Variants in FAM193A observed in about 807,000 individuals in gnomAD.
FAM193A encodes family with sequence similarity 193 member A.
FAM193A carries 22 observed loss-of-function variants against 126.5 expected under a neutral mutation model. The ratio of observed to expected loss-of-function variants is 0.17; its 90% confidence interval spans 0.12 to 0.25. The LOEUF (loss-of-function observed/expected upper bound fraction) is 0.25. Ranked by LOEUF, FAM193A falls within the 10% of genes least tolerant of loss-of-function variation. The pLI is 1.00. For missense variants in FAM193A, 1,675 were observed against 1,672.8 expected (o/e 1.00, Z -0.02); for synonymous variants, 761 against 646.8 (o/e 1.18, Z -2.68).
At chr4:2,604,060 C>G (rs552645942) in intron 2 of FAM193A, among the ~76,000 whole-genome samples, 11 of 152,150 alleles carry the variant, frequency 7.2e-5, no homozygotes, top group African/African-American at 2.7e-4. Flanking sequence ...CCAGGCTGGT[C>G]TCAAACTCCT....
chr4:2,639,866 T>C lies in FAM193A; in HGVS notation c.1163+7T>C. ...CACTGGTGTCACAGATCAGGTATTT[T>C]GCCTTAACCCGTATGTGTCTTTGTG... On this transcript the variant is annotated splice_region_variant and intron_variant, in intron 6 of 20. Coordinates refer to ENST00000637812, the MANE Select transcript of FAM193A (RefSeq NM_001366318.2). The C allele has an allele frequency of 6.2e-7, 1 of 1,613,226 alleles. No individual in the cohort carries two copies. Among genetic ancestry groups the C allele is most frequent in the East Asian group, 2.2e-5 (1 of 44,874 alleles).
chr4:2,629,605 A>G lies in FAM193A; in HGVS notation c.804-1330A>G, dbSNP rs569354743. On this transcript the variant is annotated intron_variant, in intron 4 of 20. Transcript: ENST00000637812. Reference sequence around the variant, plus strand: ...CAACTTTCTTTTCTTTTGACATAATATGGTATGTAGGTGAAAGGATTTACT... The same window carrying G: ...CAACTTTCTTTTCTTTTGACATAATGTGGTATGTAGGTGAAAGGATTTACT... Among the ~76,000 whole-genome samples, 10 of 152,320 alleles carry G rather than the reference A, an allele frequency of 6.6e-5. No homozygotes were observed. The South Asian group carries it at 2.1e-3, about 32-fold the overall frequency.
At chr4:2,644,658 T>C (rs1278609353) in intron 6 of FAM193A, among the ~76,000 whole-genome samples, 2 of 152,102 alleles carry the variant, frequency 1.3e-5, no homozygotes, top group East Asian at 1.9e-4. Flanking sequence ...ACCTAACCTC[T>C]GCTGCCTTCC....
chr4:2,652,591 T>A (rs1352623106), intron 7 of FAM193A, among the ~76,000 whole-genome samples: 2 of 151,980 alleles, frequency 1.3e-5, no homozygotes, highest in Non-Finnish European at 2.9e-5. Flanking sequence ...CTACACACTT[T>A]TAAACAACCA....
rs1055565277 is a variant in FAM193A at position 2,657,794 on chromosome 4, C to G, written c.1312-9C>G. The G allele has an allele frequency of 1.3e-6, 2 of 1,595,128 alleles. No individual in the cohort carries two copies. Among genetic ancestry groups the G allele is most frequent in the Non-Finnish European group, 1.7e-6 (2 of 1,170,678 alleles). On this transcript the variant is annotated splice_polypyrimidine_tract_variant and intron_variant, in intron 7 of 20. Transcript: ENST00000637812. ...TCTTTTTTTTCTGTTTTTTACATCC[C>G]CTTACTAGATGACAATGAAAACCAA...
chr4:2,716,552 A>AG (rs1335277913), intron 20 of FAM193A, among the ~76,000 whole-genome samples: 1 of 152,186 alleles, frequency 6.6e-6, no homozygotes, highest in Non-Finnish European at 1.5e-5. Flanking sequence ...AACACACTGG[A>AG]GTGGTATGCT....
chr4:2,693,624 C>T lies in FAM193A; in HGVS notation c.2842C>T (p.His948Tyr). 1 of 1,613,990 alleles carries T rather than the reference C, an allele frequency of 6.2e-7. No homozygotes were observed. Among genetic ancestry groups the T allele is most frequent in the Non-Finnish European group, 8.5e-7 (1 of 1,179,920 alleles). ...FHGISKEDHR[H>Y]SAPAAPRNSP... ...TGGCATCAGCAAGGAGGACCACAGACACTCGGCCCCAGCCGCCCCGAGGAA... is the reference window on the plus strand; with the variant it reads ...TGGCATCAGCAAGGAGGACCACAGATACTCGGCCCCAGCCGCCCCGAGGAA... Residue 948 changes from histidine (H) to tyrosine (Y), a missense_variant, in exon 16 of 21, where the codon CAC becomes TAC. Physicochemically the swap from His to Tyr is moderately conservative, Grantham distance 83. Coordinates refer to ENST00000637812, the MANE Select transcript of FAM193A (RefSeq NM_001366318.2).
At chr4:2,548,801 C>G (rs939867769) in intron 1 of FAM193A, among the ~76,000 whole-genome samples, 3 of 151,774 alleles carry the variant, frequency 2.0e-5, no homozygotes, top group Admixed American at 2.0e-4. Context: ...GAATGAAGTT[C>G]CGTTTACCAA....
chr4:2,657,036 G>A (rs900415484), intron 7 of FAM193A, among the ~76,000 whole-genome samples: 4 of 152,044 alleles, frequency 2.6e-5, no homozygotes, highest in Admixed American at 2.0e-4. Context: ...GCGTGGTGGC[G>A]GGCACCTATA....
intron 1 of FAM193A, among the ~76,000 whole-genome samples, chr4:2,582,793 C>G (rs1177641333): frequency 6.6e-6 from 1 of 151,990 alleles, no homozygotes; most frequent in South Asian, 2.1e-4. Flanking sequence ...TTTACCATGG[C>G]AGTGTTTGAA....
intron 13 of FAM193A, among the ~76,000 whole-genome samples, chr4:2,679,646 G>A (rs563957133): frequency 6.6e-6 from 1 of 151,988 alleles, no homozygotes; most frequent in South Asian, 2.1e-4. Context: ...CCAAAGTGTT[G>A]GGATTACAGG....
intron 20 of FAM193A, among the ~76,000 whole-genome samples, chr4:2,722,585 C>T (rs1232950715): frequency 6.6e-6 from 1 of 152,120 alleles, no homozygotes; most frequent in Non-Finnish European, 1.5e-5. Flanking sequence ...ACATCACAAA[C>T]TCAGGGCTTG....
In FAM193A at chr4:2,659,865, A is replaced by C. The variant is rs1577155177; in HGVS notation, c.1556A>C (p.Asp519Ala). The stretch of plus-strand genomic sequence containing the variant: ...CACATCCTCACGTGTGGTATCATGG[A>C]CCCCCCCGTCACTGATGACATCCAC... ...LSHILTCGIM[D>A]PPVTDDIHIH... The change falls in exon 10 of 21, where the codon GAC (aspartate) becomes GCC (alanine). Residue 519 changes from aspartate (D) to alanine (A), a missense_variant. By Grantham distance (126) the Asp-to-Ala change is moderately radical. This residue lies in a region of FAM193A where 1,186 missense variants were observed against 1,109.2 expected (regional missense o/e 1.07). Coordinates refer to ENST00000637812, the MANE Select transcript of FAM193A (RefSeq NM_001366318.2). 1 of 1,612,638 alleles carries C rather than the reference A, an allele frequency of 6.2e-7. No homozygotes were observed. Among genetic ancestry groups the C allele is most frequent in the Non-Finnish European group, 8.5e-7 (1 of 1,179,630 alleles).
At chr4:2,648,971 C>T (rs1023202073) in intron 7 of FAM193A, among the ~76,000 whole-genome samples, 1 of 152,176 alleles carries the variant, frequency 6.6e-6, no homozygotes, top group Admixed American at 6.5e-5. Flanking sequence ...CGGATCTGCC[C>T]CATGAGTCTT....
chr4:2,592,783 G>C (rs779883304), intron 1 of FAM193A, among the ~76,000 whole-genome samples: 2 of 152,164 alleles, frequency 1.3e-5, no homozygotes, highest in Non-Finnish European at 1.5e-5. Flanking sequence ...CTCTGCATAG[G>C]GTTCTCCCCA....
intron 1 of FAM193A, among the ~76,000 whole-genome samples, chr4:2,582,512 A>G (rs999029063): frequency 1.4e-4 from 21 of 151,850 alleles, no homozygotes; most frequent in African/African-American, 5.1e-4. Context: ...TTAGTTGCGC[A>G]TGACTTTTGT....
chr4:2,656,540 C>G (rs750446320), intron 7 of FAM193A, among the ~76,000 whole-genome samples: 66 of 152,216 alleles, frequency 4.3e-4, no homozygotes, highest in Non-Finnish European at 7.1e-4. Flanking sequence ...CGTCACCACC[C>G]TCACCTTGAA....
In FAM193A at chr4:2,658,634, G is replaced by A. The variant is rs572719967; in HGVS notation, c.1389+754G>A. On this transcript the variant is annotated intron_variant, in intron 8 of 20. Transcript: ENST00000637812. ...GTTCCCTGGCCTTGACCCCATGCCTGTCTCCACATTTGCATGCCCGTGGTC... is the reference window on the plus strand; with the variant it reads ...GTTCCCTGGCCTTGACCCCATGCCTATCTCCACATTTGCATGCCCGTGGTC... Among the ~76,000 whole-genome samples the A allele has an allele frequency of 2.6e-5, 4 of 152,278 alleles. No homozygotes were observed. In the South Asian group the frequency reaches 6.2e-4, roughly 24 times the overall value.
At chr4:2,565,499 A>G (rs1257516673) in intron 1 of FAM193A, among the ~76,000 whole-genome samples, 1 of 151,864 alleles carries the variant, frequency 6.6e-6, no homozygotes, top group Non-Finnish European at 1.5e-5. Flanking sequence ...TTCGTGATCT[A>G]CCTGCCTCAG....
Sources: allele counts gnomAD v4.1 joint callset (sites outside exome capture counted in the v4.1 genomes callset), GRCh38; gene constraint gnomAD v4.1.1; regional missense constraint gnomAD v4.1.1; transcripts MANE v1.5; gene names NCBI Gene and HGNC (gene_info 2026-07-23, HGNC 2026-07-21).